Variants in MYT1L observed in about 807,000 individuals in gnomAD.
MYT1L encodes myelin transcription factor 1 like, also known as myelin transcription factor 1-like protein.
In MYT1L, 12 loss-of-function variants were observed where a neutral mutation model predicts 126.7. The observed-to-expected ratio is 0.09, with a 90% confidence interval of 0.06 to 0.15. The LOEUF is 0.15. Ranked by LOEUF, MYT1L falls within the 10% of genes least tolerant of loss-of-function variation. The pLI, the probability that MYT1L is intolerant of heterozygous loss-of-function variation, is 1.00. For missense variants in MYT1L, 979 were observed against 1,585.2 expected (o/e 0.62, Z 6.49); for synonymous variants, 541 against 604.2 (o/e 0.90, Z 1.53).
chr2:1,982,600 G>A (rs561446536), intron 5 of MYT1L, among the ~76,000 whole-genome samples: 1 of 152,306 alleles, frequency 6.6e-6, no homozygotes, highest in South Asian at 2.1e-4. Flanking sequence ...TGGTGAGGGT[G>A]TGTTCCTCAC....
intron 18 of MYT1L, among the ~76,000 whole-genome samples, chr2:1,855,197 G>T (rs1285392017): frequency 1.3e-5 from 2 of 152,174 alleles, no homozygotes; most frequent in Admixed American, 1.3e-4. Context: ...TCGATGGATG[G>T]GGAAGTGACT....
At chr2:2,256,011 G>A (rs898899564) in intron 2 of MYT1L, among the ~76,000 whole-genome samples, 4 of 152,178 alleles carry the variant, frequency 2.6e-5, no homozygotes, top group African/African-American at 9.7e-5. Flanking sequence ...AGCCATAGCG[G>A]GGTAAAAGGA....
intron 17 of MYT1L, 126 bp from the exon 18 acceptor site, chr2:1,886,733 G>C (rs756028814): frequency 2.4e-5 from 11 of 461,372 alleles, no homozygotes; most frequent in Non-Finnish European, 3.7e-5. Context: ...GCTGTATATT[G>C]AATTTTTTTT....
At chr2:2,109,578 T>C (rs953839391) in intron 3 of MYT1L, among the ~76,000 whole-genome samples, 14 of 151,948 alleles carry the variant, frequency 9.2e-5, no homozygotes, top group Admixed American at 2.0e-4. Context: ...ACCACTGGTA[T>C]AAAAAAAGAA....
intron 1 of MYT1L, among the ~76,000 whole-genome samples, chr2:2,297,093 AAT>A (rs1401326601): frequency 9.2e-5 from 14 of 152,148 alleles, no homozygotes; most frequent in Admixed American, 9.2e-4. Flanking sequence ...AACCACCTGC[AAT>A]GTCCCTGCTT....
rs1364233427 is a variant in MYT1L at position 1,922,247 on chromosome 2, T to C, written c.1483+39A>G. ...CACCAACATCCTTTACCCTAGCTCATGTTTTCATGAGGCAACTTACGTTAG... is the reference window on the plus strand; with the variant it reads ...CACCAACATCCTTTACCCTAGCTCACGTTTTCATGAGGCAACTTACGTTAG... On this transcript the variant is annotated intron_variant, in intron 10 of 24. Coordinates refer to ENST00000647738, the MANE Select transcript of MYT1L (RefSeq NM_001303052.2). This position sits in a 1 kb window ranked among gnomAD's most constrained non-coding sequence, Gnocchi z 7.4. The C allele has an allele frequency of 6.3e-7, 1 of 1,597,250 alleles. No individual in the cohort carries two copies. The highest frequency in any genetic ancestry group is 8.5e-7 in the Non-Finnish European group (1 of 1,170,242).
At chr2:1,893,259 A>T (rs2049155213) in intron 14 of MYT1L, among the ~76,000 whole-genome samples, 1 of 152,200 alleles carries the variant, frequency 6.6e-6, no homozygotes, top group Non-Finnish European at 1.5e-5. Flanking sequence ...ACTAATTGTT[A>T]TCCCTGCCAG....
intron 23 of MYT1L, among the ~76,000 whole-genome samples, chr2:1,795,286 G>A (rs928248504): frequency 2.6e-5 from 4 of 152,236 alleles, no homozygotes; most frequent in Admixed American, 1.3e-4. Context: ...GAAGACATTT[G>A]TTATTCCTGG....
At chr2:2,053,100 C>G (rs1213692045) in intron 4 of MYT1L, among the ~76,000 whole-genome samples, 1 of 152,150 alleles carries the variant, frequency 6.6e-6, no homozygotes, top group African/African-American at 2.4e-5. Flanking sequence ...ATGCTCTGAC[C>G]CATTCTACGA....
chr2:1,996,602 T>C (rs61184767), intron 5 of MYT1L, among the ~76,000 whole-genome samples: 1,717 of 143,334 alleles, frequency 0.012, 23 homozygotes, highest in African/African-American at 0.044. Flanking sequence ...AGGGCCGCCC[T>C]GCCTCAGTGT....
chr2:1,904,120 G>A (rs1054257068), intron 13 of MYT1L, among the ~76,000 whole-genome samples: 1 of 152,192 alleles, frequency 6.6e-6, no homozygotes, highest in African/African-American at 2.4e-5. Context: ...CGTCAGACAA[G>A]AGCAAAACCA....
At chr2:2,207,469 G>A (rs1299180271) in intron 2 of MYT1L, among the ~76,000 whole-genome samples, 1 of 152,118 alleles carries the variant, frequency 6.6e-6, no homozygotes, top group Non-Finnish European at 1.5e-5. Context: ...AGCTTACGTA[G>A]TACAATACAC....
intron 18 of MYT1L, among the ~76,000 whole-genome samples, chr2:1,866,262 G>C (rs1340591441): frequency 6.6e-6 from 1 of 152,126 alleles, no homozygotes; most frequent in African/African-American, 2.4e-5. Flanking sequence ...GGCAGAGTCA[G>C]GACCATGGGG....
intron 3 of MYT1L, among the ~76,000 whole-genome samples, chr2:2,102,174 T>A (rs993982689): frequency 6.6e-6 from 1 of 151,884 alleles, no homozygotes; most frequent in African/African-American, 2.4e-5. Context: ...CCTTCTGAGC[T>A]TTTTTTTATG....
At chr2:1,957,596 CTATTATCT>C (rs1185368648) in intron 8 of MYT1L, among the ~76,000 whole-genome samples, 4 of 149,466 alleles carry the variant, frequency 2.7e-5, no homozygotes, top group African/African-American at 7.7e-5. Context: ...ATCTATCTAT[CTATTATCT>C]ATCTATCTAT....
At chr2:2,057,231 G>T (rs1415723306) in intron 3 of MYT1L, among the ~76,000 whole-genome samples, 1 of 152,092 alleles carries the variant, frequency 6.6e-6, no homozygotes, top group Non-Finnish European at 1.5e-5. Flanking sequence ...TCCTTTTATA[G>T]CCCCGCCCAC....
chr2:2,033,584 A>G (rs2066645706), intron 4 of MYT1L, among the ~76,000 whole-genome samples: 1 of 152,172 alleles, frequency 6.6e-6, no homozygotes, highest in South Asian at 2.1e-4. Context: ...ATTCTGCAAT[A>G]TGTGAAGGTG....
chr2:1,969,403 G>A, intron 8 of MYT1L, among the ~76,000 whole-genome samples: 1 of 152,234 alleles, frequency 6.6e-6, no homozygotes, highest in East Asian at 1.9e-4. Flanking sequence ...GTCTCATTAG[G>A]AGTCCAGGCC....
At chr2:2,281,317 A>C (rs115116013) in intron 2 of MYT1L, among the ~76,000 whole-genome samples, 1,589 of 152,288 alleles carry the variant, frequency 0.01, 26 homozygotes, top group African/African-American at 0.037. Flanking sequence ...TTTCTTTATA[A>C]ATCATCGGGT....
Sources: gnomAD v4.1 joint callset for allele counts (sites outside exome capture counted in the v4.1 genomes callset) on GRCh38, gnomAD v4.1.1 for gene constraint, Gnocchi (gnomAD v3.1) non-coding constraint, MANE v1.5 for transcripts, NCBI Gene and HGNC (gene_info 2026-07-23, HGNC 2026-07-21) for gene names.